Variants in RIC3 observed in about 807,000 individuals in gnomAD.
RIC3 encodes RIC3 acetylcholine receptor chaperone, also known as protein RIC-3.
A neutral mutation model predicts 27.3 loss-of-function variants in RIC3; 28 were observed. The observed-to-expected ratio is 1.02, with a 90% CI of 0.76 to 1.41. The LOEUF (loss-of-function observed/expected upper bound fraction) is 1.41. RIC3 is among the 40% of genes most tolerant of loss of function. RIC3 has a pLI of 0.00. For synonymous variants in RIC3, 184 were observed against 160.4 expected (o/e 1.15, Z -1.11); for missense variants, 501 against 444.7 (o/e 1.13, Z -1.14).
At chr11:8,102,512 C>T (rs367880973), downstream of RIC3, 22 of 152,288 alleles carry the variant, frequency 1.4e-4, no homozygotes, top group African/African-American at 5.3e-4. Context: ...TCCAGGTCAC[C>T]AGCCTGACTG....
At chr11:8,141,245 TAA>T (rs780940751) in intron 1 of RIC3, among the ~76,000 whole-genome samples, 4 of 151,938 alleles carry the variant, frequency 2.6e-5, no homozygotes, top group African/African-American at 9.7e-5. Flanking sequence ...GCAAATTGGA[TAA>T]AGTCAAGACC....
intron 4 of RIC3, among the ~76,000 whole-genome samples, chr11:8,135,338 C>T (rs1428953138): frequency 6.6e-6 from 1 of 152,138 alleles, no homozygotes; most frequent in African/African-American, 2.4e-5. Flanking sequence ...TTCCATTGGT[C>T]TATATCTCTG....
intron 1 of RIC3, among the ~76,000 whole-genome samples, chr11:8,155,715 G>A (rs1275479777): frequency 1.3e-5 from 2 of 152,162 alleles, no homozygotes; most frequent in Non-Finnish European, 2.9e-5. Flanking sequence ...TAACTCATCT[G>A]CAGCATTTCA....
At chr11:8,121,670 C>G (rs1262784858) in intron 5 of RIC3, among the ~76,000 whole-genome samples, 3 of 151,964 alleles carry the variant, frequency 2.0e-5, no homozygotes, top group Non-Finnish European at 1.5e-5. Flanking sequence ...GAGCAGATAT[C>G]AAGCTACAGC....
At chr11:8,168,672 A>G (rs1382026693) in intron 1 of RIC3, among the ~76,000 whole-genome samples, 194 bp downstream of exon 1, 1 of 152,216 alleles carries the variant, frequency 6.6e-6, no homozygotes, top group Admixed American at 6.5e-5. Flanking sequence ...CAGCAGAACC[A>G]TCTGGGCCGC....
At position 8,168,961 on chromosome 11, in the gene RIC3, G is replaced by A. The variant is rs141211025; in HGVS notation, c.29C>T (p.Ala10Val). The A allele has an allele frequency of 6.8e-6, 11 of 1,609,454 alleles. No individual in the cohort carries two copies. The African/African-American group carries it at 1.5e-4, about 22-fold the overall frequency. Reference sequence around the variant, plus strand: ...AGCCAGGACAAGCCCAGAAGCCAGAGCGACTCTCTGCACTGTGGAGTACGC... The same window carrying A: ...AGCCAGGACAAGCCCAGAAGCCAGAACGACTCTCTGCACTGTGGAGTACGC... Reference protein sequence around the residue: MAYSTVQRVALASGLVLALS... With the variant: MAYSTVQRVVLASGLVLALS... Residue 10 changes from alanine (A) to valine (V), a missense_variant, in exon 1 of 6, where the codon GCT becomes GTT. Coordinates refer to ENST00000309737, the MANE Select transcript of RIC3 (RefSeq NM_001206671.4).
intron 5 of RIC3, among the ~76,000 whole-genome samples, chr11:8,125,870 C>G (rs947000089): frequency 3.3e-5 from 5 of 152,090 alleles, no homozygotes; most frequent in African/African-American, 1.2e-4. Context: ...GAAACTCCGT[C>G]TCTACTAAAA....
intron 5 of RIC3, among the ~76,000 whole-genome samples, chr11:8,117,260 T>G (rs1279228871): frequency 6.6e-6 from 1 of 152,198 alleles, no homozygotes; most frequent in Admixed American, 6.6e-5. Context: ...AGACAGGGTT[T>G]CACCGTGTTG....
downstream of RIC3, chr11:8,101,579 T>C (rs2133920498): frequency 1.9e-6 from 3 of 1,614,258 alleles, no homozygotes; most frequent in South Asian, 1.1e-5. Context: ...GCCTTTGCCA[T>C]TGCCCTGTCC....
intron 4 of RIC3, among the ~76,000 whole-genome samples, chr11:8,136,521 T>G (rs564204700): frequency 1.1e-3 from 164 of 152,356 alleles, no homozygotes; most frequent in African/African-American, 3.8e-3. Flanking sequence ...TGTTGTCCAC[T>G]TCTATCAACC....
rs76836357 is a variant in RIC3 at position 8,114,850 on chromosome 11, A to T, written c.671-3713T>A. Reference sequence around the variant, plus strand: ...CGAGAATTGAAATGAAAAATGCAATAGAGAGTATCAACAGCAGAACTGATT... The same window carrying T: ...CGAGAATTGAAATGAAAAATGCAATTGAGAGTATCAACAGCAGAACTGATT... On this transcript the variant is annotated intron_variant, in intron 5 of 5. Transcript: ENST00000309737. Among the ~76,000 whole-genome samples, 19 of 152,302 alleles carry T rather than the reference A, an allele frequency of 1.2e-4. No individual in the cohort carries two copies. In the East Asian group the frequency reaches 3.7e-3, roughly 29 times the overall value.
At chr11:8,165,772 T>TAA (rs200193027) in intron 1 of RIC3, among the ~76,000 whole-genome samples, 5 of 115,902 alleles carry the variant, frequency 4.3e-5, no homozygotes, top group Non-Finnish European at 6.8e-5. Context: ...TGGGGTTTTT[T>TAA]TTTTGTTTTG....
At chr11:8,119,489 C>T (rs889154779) in intron 5 of RIC3, among the ~76,000 whole-genome samples, 4 of 152,154 alleles carry the variant, frequency 2.6e-5, no homozygotes, top group Non-Finnish European at 5.9e-5. Flanking sequence ...ACTGGCTAGC[C>T]ATATGAAGAA....
chr11:8,138,839 C>T (rs1041606784), intron 2 of RIC3: 10 of 226,042 alleles, frequency 4.4e-5, no homozygotes, highest in South Asian at 1.3e-4. Context: ...TTCCTCCTTC[C>T]TTTGTTCTCC....
At chr11:8,095,247 G>A in the RIC3 span, among the ~76,000 whole-genome samples, 49 of 152,290 alleles carry the variant, frequency 3.2e-4, no homozygotes, top group African/African-American at 7.7e-4. Context: ...CTTTAAGGAC[G>A]TGAGGTGTTG....
intron 1 of RIC3, among the ~76,000 whole-genome samples, chr11:8,163,069 C>CACACACACACACACACACACACA (rs1565138023): frequency 7.2e-6 from 1 of 138,160 alleles, no homozygotes. Flanking sequence ...ACACACACAC[C>CACACACACACACACACACACACA]CCCCAAAACA....
intron 1 of RIC3, among the ~76,000 whole-genome samples, chr11:8,151,024 G>A (rs909646573): frequency 2.0e-5 from 3 of 152,188 alleles, no homozygotes; most frequent in African/African-American, 7.2e-5. Context: ...TATAAGAGCT[G>A]AAACTTTAAA....
At chr11:8,101,691 T>TG, downstream of RIC3, 6 of 1,574,422 alleles carry the variant, frequency 3.8e-6, no homozygotes, top group Non-Finnish European at 5.2e-6. Flanking sequence ...GAGACAGCCC[T>TG]GCCTATCCTC....
At chr11:8,095,980 C>T in the RIC3 span, among the ~76,000 whole-genome samples, 1 of 152,236 alleles carries the variant, frequency 6.6e-6, no homozygotes, top group Non-Finnish European at 1.5e-5. Context: ...GGTAGATCCT[C>T]CGTGGAAACC....
Sources: gnomAD v4.1 joint callset for allele counts (sites outside exome capture counted in the v4.1 genomes callset) on GRCh38, gnomAD v4.1.1 for gene constraint, MANE v1.5 for transcripts, NCBI Gene and HGNC (gene_info 2026-07-23, HGNC 2026-07-21) for gene names.